Variants in CNTNAP5 observed in about 807,000 individuals in gnomAD.
CNTNAP5 encodes the protein contactin associated protein family member 5, also known as contactin-associated protein-like 5.
Under a neutral mutation model 150.2 loss-of-function variants are expected in CNTNAP5, and 72 were observed. The observed-to-expected ratio is 0.48, with a 90% confidence interval of 0.40 to 0.58. The LOEUF is 0.58. Among genes scored for constraint, CNTNAP5 ranks in the 20% least tolerant of loss-of-function variants. The pLI is 0.00. For synonymous variants in CNTNAP5, 672 were observed against 619.8 expected, an observed-to-expected ratio of 1.08 and a Z score of -1.25; for missense variants, 1,636 against 1,626.2, an observed-to-expected ratio of 1.01 and a Z score of -0.10.
intron 1 of CNTNAP5, among the ~76,000 whole-genome samples, chr2:124,074,981 C>A (rs1252104376): frequency 6.6e-6 from 1 of 151,980 alleles, no homozygotes; most frequent in Non-Finnish European, 1.5e-5. Context: ...TCTGTGAAAG[C>A]TGAAATTGCA....
At chr2:124,310,263 G>A (rs1573907449) in intron 3 of CNTNAP5, among the ~76,000 whole-genome samples, 2 of 152,110 alleles carry the variant, frequency 1.3e-5, no homozygotes, top group East Asian at 1.9e-4. Context: ...TGCGGTCCCT[G>A]ATGTAGATTG....
At position 124,209,807 on chromosome 2, in the gene CNTNAP5, A is replaced by G. The variant is rs566342005; in HGVS notation, c.83-11898A>G. On this transcript the variant is annotated intron_variant, in intron 1 of 23. Transcript: ENST00000682447. ...GTGGAGGTGGAGTATTATACACAAA[A>G]GACCCCATAAAGGAGAAAAGGAATT... 4.6e-5 allele frequency among the ~76,000 whole-genome samples: 7 copies of G among 152,286 alleles called. No individual in the cohort carries two copies. In the South Asian group the frequency reaches 1.0e-3, roughly 23 times the overall value.
chr2:124,234,002 T>C (rs1329965074), intron 2 of CNTNAP5, among the ~76,000 whole-genome samples: 1 of 152,092 alleles, frequency 6.6e-6, no homozygotes, highest in Non-Finnish European at 1.5e-5. Context: ...ATAAAGTATA[T>C]ACTGCTCATG....
At chr2:124,344,225 A>G (rs1487028628) in intron 3 of CNTNAP5, among the ~76,000 whole-genome samples, 1 of 151,950 alleles carries the variant, frequency 6.6e-6, no homozygotes, top group Non-Finnish European at 1.5e-5. Flanking sequence ...GTCCTTCTCA[A>G]ACAAAAAATG....
At chr2:124,794,005 C>T (rs905764266) in intron 18 of CNTNAP5, among the ~76,000 whole-genome samples, 1 of 152,144 alleles carries the variant, frequency 6.6e-6, no homozygotes, top group South Asian at 2.1e-4. Flanking sequence ...TTTTTATCCC[C>T]TTGCACTTAA....
chr2:124,474,982 C>G, intron 7 of CNTNAP5, 100 bp downstream of exon 7: 1 of 988,072 alleles, frequency 1.0e-6, no homozygotes, highest in Admixed American at 3.4e-5. Flanking sequence ...ATGTGTTTAT[C>G]TTATGCTCTG....
intron 6 of CNTNAP5, among the ~76,000 whole-genome samples, chr2:124,452,996 A>G (rs1693026110): frequency 6.6e-6 from 1 of 152,206 alleles, no homozygotes; most frequent in African/African-American, 2.4e-5. Context: ...AAATTACACT[A>G]GCTTTCCAGC....
intron 1 of CNTNAP5, among the ~76,000 whole-genome samples, chr2:124,168,485 T>C (rs1274153275): frequency 6.6e-6 from 1 of 152,192 alleles, no homozygotes; most frequent in Non-Finnish European, 1.5e-5. Context: ...CTTCATCTTG[T>C]AAACATTCAG....
intron 5 of CNTNAP5, 45 bp from the exon 6 acceptor site, chr2:124,446,708 G>T (rs11689115): frequency 0.16 from 253,369 of 1,583,666 alleles, 22,586 homozygotes; most frequent in Non-Finnish European, 0.18. Flanking sequence ...GTGCAAAGCT[G>T]CCCTTGGACA....
At chr2:124,722,901 C>T (rs1477547973) in intron 13 of CNTNAP5, among the ~76,000 whole-genome samples, 1 of 152,180 alleles carries the variant, frequency 6.6e-6, no homozygotes, top group African/African-American at 2.4e-5. Context: ...GTCTTCCTTC[C>T]TATTGTCTTC....
intron 19 of CNTNAP5, among the ~76,000 whole-genome samples, chr2:124,827,579 C>G (rs1682623260): frequency 6.6e-6 from 1 of 152,154 alleles, no homozygotes; most frequent in African/African-American, 2.4e-5. Flanking sequence ...CATCTTGAAC[C>G]CTGGTGTCAC....
intron 1 of CNTNAP5, among the ~76,000 whole-genome samples, chr2:124,112,638 A>G (rs543007790): frequency 3.3e-4 from 51 of 152,266 alleles, no homozygotes; most frequent in African/African-American, 1.2e-3. Flanking sequence ...TTGCAAAGTG[A>G]TTGCTTGTGT....
At chr2:124,375,318 T>G (rs1690618630) in intron 3 of CNTNAP5, among the ~76,000 whole-genome samples, 1 of 152,110 alleles carries the variant, frequency 6.6e-6, no homozygotes, top group Non-Finnish European at 1.5e-5. Flanking sequence ...ACTGGTAAGA[T>G]TAACATCACC....
intron 1 of CNTNAP5, among the ~76,000 whole-genome samples, chr2:124,028,359 C>CA (rs1680955582): frequency 6.6e-6 from 1 of 151,552 alleles, no homozygotes; most frequent in Non-Finnish European, 1.5e-5. Flanking sequence ...ATAATCTGAC[C>CA]GAAACCTGGG....
chr2:124,142,968 A>G (rs369246151), intron 1 of CNTNAP5, among the ~76,000 whole-genome samples: 45 of 106,682 alleles, frequency 4.2e-4, no homozygotes, highest in Middle Eastern at 0.011. Flanking sequence ...TATCACCACC[A>G]ATCCCACAGA....
At chr2:124,349,874 C>CTTTTTTTTTTTTTTTTTTTTTT (rs70996061) in intron 3 of CNTNAP5, among the ~76,000 whole-genome samples, 1 of 81,840 alleles carries the variant, frequency 1.2e-5, no homozygotes, top group African/African-American at 5.0e-5. Flanking sequence ...CTGGCTATTT[C>CTTTTTTTTTTTTTTTTTTTTTT]TTTTTTTTTT....
chr2:124,062,550 A>G (rs1273111834), intron 1 of CNTNAP5, among the ~76,000 whole-genome samples: 2 of 152,088 alleles, frequency 1.3e-5, no homozygotes, highest in South Asian at 2.1e-4. Flanking sequence ...GAAAGCTGAG[A>G]CCCCATTTTA....
At chr2:124,482,335 G>A (rs774963256) in intron 7 of CNTNAP5, among the ~76,000 whole-genome samples, 11 of 152,082 alleles carry the variant, frequency 7.2e-5, no homozygotes, top group Non-Finnish European at 1.3e-4. Flanking sequence ...TATTATCCAC[G>A]TTTTATACCA....
Position 124,729,218 on chromosome 2 carries a change from T to G in CNTNAP5, c.2078-18011T>G, listed in dbSNP as rs188380552. ...AGGAATATCAGAGAATTTCAGGACC[T>G]CCTTTGAAATGATTCCATGTATATG... On this transcript the variant is annotated intron_variant, in intron 13 of 23. Coordinates refer to ENST00000682447, the MANE Select transcript of CNTNAP5 (RefSeq NM_001367498.1). Among the ~76,000 whole-genome samples, 632 of 152,180 alleles carry G rather than the reference T, an allele frequency of 4.2e-3. 4 individuals are homozygous for G. The highest frequency in any genetic ancestry group is 0.024 in the South Asian group (118 of 4,820).
Sources: gnomAD v4.1 joint callset for allele counts (sites outside exome capture counted in the v4.1 genomes callset) on GRCh38, gnomAD v4.1.1 for gene constraint, MANE v1.5 for transcripts, NCBI Gene and HGNC (gene_info 2026-07-23, HGNC 2026-07-21) for gene names.